Variants in DGKB observed in about 807,000 individuals in gnomAD.
DGKB encodes the protein diacylglycerol kinase beta.
A neutral mutation model predicts 114.3 loss-of-function variants in DGKB; 67 were observed. The observed-to-expected ratio is 0.59, with a 90% CI of 0.48 to 0.72. The LOEUF is 0.72. Among genes scored for constraint, DGKB ranks in the 30% least tolerant of loss-of-function variants. The pLI, the probability that DGKB is intolerant of heterozygous loss-of-function variation, is 0.00. For synonymous variants in DGKB, 398 were observed against 323.1 expected, an observed-to-expected ratio of 1.23 and a Z score of -2.49; for missense variants, 907 against 975.2, an observed-to-expected ratio of 0.93 and a Z score of 0.93.
upstream of DGKB, among the ~76,000 whole-genome samples, chr7:14,906,101 C>T (rs1035495555): frequency 3.9e-5 from 6 of 152,172 alleles, no homozygotes; most frequent in South Asian, 2.1e-4. Context: ...AATCTAATTT[C>T]CTGAGGGGGC....
At chr7:14,676,740 A>T (rs1490137437) in intron 12 of DGKB, among the ~76,000 whole-genome samples, 1 of 152,056 alleles carries the variant, frequency 6.6e-6, no homozygotes, top group African/African-American at 2.4e-5. Context: ...CCTATATCCC[A>T]AATCAGCAAA....
chr7:14,961,909 C>A (rs1193933905), intron 1 of DGKB, among the ~76,000 whole-genome samples: 1 of 152,064 alleles, frequency 6.6e-6, no homozygotes, highest in Non-Finnish European at 1.5e-5. Context: ...TCACACAATG[C>A]AGAAATGATC....
At chr7:14,207,921 AT>A (rs1471340360) in intron 23 of DGKB, among the ~76,000 whole-genome samples, 2 of 152,000 alleles carry the variant, frequency 1.3e-5, no homozygotes, top group Admixed American at 1.3e-4. Context: ...TGTCAGCACA[AT>A]TTCTCATTTG....
chr7:14,652,260 C>A (rs1176002752), intron 13 of DGKB, among the ~76,000 whole-genome samples: 1 of 152,138 alleles, frequency 6.6e-6, no homozygotes, highest in Admixed American at 6.5e-5. Context: ...TACTACAAGT[C>A]TACAGTAACC....
chr7:14,880,577 A>G (rs1354992987), intron 1 of DGKB, among the ~76,000 whole-genome samples: 2 of 152,222 alleles, frequency 1.3e-5, no homozygotes, highest in Non-Finnish European at 2.9e-5. Flanking sequence ...GGAACTTACA[A>G]ATGGAAGAGG....
At chr7:14,963,022 C>T (rs1167664090) in intron 1 of DGKB, among the ~76,000 whole-genome samples, 2 of 152,030 alleles carry the variant, frequency 1.3e-5, no homozygotes, top group Non-Finnish European at 2.9e-5. Flanking sequence ...TTCCCTTGCC[C>T]TGCTTGTCTT....
chr7:14,418,253 ATAT>A (rs201697592), intron 21 of DGKB, among the ~76,000 whole-genome samples: 30,975 of 133,266 alleles, frequency 0.23, 4,062 homozygotes, highest in East Asian at 0.46. Flanking sequence ...ATGTGTGTAT[ATAT>A]TATATATGTA....
chr7:14,169,950 C>G (rs537087411), intron 25 of DGKB, among the ~76,000 whole-genome samples: 5 of 151,722 alleles, frequency 3.3e-5, no homozygotes, highest in Non-Finnish European at 7.4e-5. Context: ...GCCTGACCAA[C>G]ATGGAGAAAC....
intron 25 of DGKB, chr7:14,175,989 T>G (rs1278309460): frequency 6.6e-6 from 1 of 151,984 alleles, no homozygotes; most frequent in Non-Finnish European, 1.5e-5. Flanking sequence ...TTTTATTTTT[T>G]TTAATTTTAT....
intron 25 of DGKB, among the ~76,000 whole-genome samples, chr7:14,159,539 G>C (rs939005124): frequency 3.3e-5 from 5 of 152,272 alleles, no homozygotes; most frequent in Non-Finnish European, 7.4e-5. Context: ...ACTGAGTTCA[G>C]AGATCATATC....
intron 6 of DGKB, among the ~76,000 whole-genome samples, chr7:14,704,440 T>C (rs1585815580): frequency 9.2e-6 from 1 of 108,862 alleles, no homozygotes; most frequent in Non-Finnish European, 1.7e-5. Flanking sequence ...AGAGCGAGAC[T>C]CCATCTCAAA....
chr7:14,625,469 C>T (rs1244758287), intron 14 of DGKB, among the ~76,000 whole-genome samples: 1 of 152,000 alleles, frequency 6.6e-6, no homozygotes, highest in African/African-American at 2.4e-5. Context: ...GACTGGCAGA[C>T]CTCTATTATG....
chr7:14,338,458 G>A (rs1811070503), intron 23 of DGKB, 57 bp downstream of exon 23: 1 of 1,099,216 alleles, frequency 9.1e-7, no homozygotes, highest in East Asian at 2.5e-5. Context: ...TACTTTTAAA[G>A]AAGCCTTTGA....
At position 14,418,864 on chromosome 7, in the gene DGKB, C is replaced by T. The variant is rs533680619; in HGVS notation, c.1835+59297G>A. On this transcript the variant is annotated intron_variant, in intron 21 of 25. Transcript: ENST00000402815. ...GACAAAAAGGTGAGAAATTCATTAT[C>T]ACAAAACTGTCACACAGAAGGCATT... 4.1e-3 allele frequency among the ~76,000 whole-genome samples: 617 copies of T among 151,998 alleles called. 3 individuals carry two copies. The highest frequency in any genetic ancestry group is 4.2e-3 in the Non-Finnish European group (285 of 67,886).
intron 4 of DGKB, chr7:14,750,101 C>A: frequency 1.9e-6 from 1 of 517,030 alleles, no homozygotes; most frequent in Admixed American, 1.9e-5. Context: ...AACCTATGGA[C>A]AAAGAAACTA....
At chr7:14,276,736 T>C (rs561718281) in intron 23 of DGKB, among the ~76,000 whole-genome samples, 1 of 152,112 alleles carries the variant, frequency 6.6e-6, no homozygotes, top group African/African-American at 2.4e-5. Flanking sequence ...ATATTTTATA[T>C]GGATTATCTC....
At chr7:14,626,761 G>C (rs1207764843) in intron 14 of DGKB, among the ~76,000 whole-genome samples, 1 of 152,080 alleles carries the variant, frequency 6.6e-6, no homozygotes, top group African/African-American at 2.4e-5. Context: ...AAACAGTTTT[G>C]ATTGTTTTTA....
intron 23 of DGKB, chr7:14,191,806 G>A (rs1784360663): frequency 4.8e-6 from 2 of 418,838 alleles, no homozygotes; most frequent in South Asian, 1.9e-5. Flanking sequence ...TGACTATTCT[G>A]CACCAAACAG....
Position 14,522,860 on chromosome 7 carries a change from A to G in DGKB, c.1771-44635T>C, listed in dbSNP as rs1426050993. On this transcript the variant is annotated intron_variant, in intron 20 of 25. Transcript: ENST00000402815. Reference sequence around the variant, plus strand: ...TATACAAAATTATTTAAAAATAACAAAAGTTTAGATAGAGAAATATATGGT... The same window carrying G: ...TATACAAAATTATTTAAAAATAACAGAAGTTTAGATAGAGAAATATATGGT... Among the ~76,000 whole-genome samples, 2 of 152,292 alleles carry G rather than the reference A, an allele frequency of 1.3e-5. 1 individual carries two copies. Among genetic ancestry groups the G allele is most frequent in the East Asian group, 3.9e-4 (2 of 5,178 alleles).
Sources: gnomAD v4.1 joint callset for allele counts (sites outside exome capture counted in the v4.1 genomes callset) on GRCh38, gnomAD v4.1.1 for gene constraint, MANE v1.5 for transcripts, NCBI Gene and HGNC (gene_info 2026-07-23, HGNC 2026-07-21) for gene names.